The following RPH3AL variants were observed in gnomAD, a reference collection of about 807,000 sequenced individuals.
The protein encoded by RPH3AL is rab effector Noc2.
Under a neutral mutation model 43.1 loss-of-function variants are expected in RPH3AL, and 38 were observed. The ratio of observed to expected loss-of-function variants is 0.88; its 90% confidence interval spans 0.68 to 1.15. The LOEUF is 1.15. Among genes scored for constraint, RPH3AL ranks in the 50% most tolerant of loss-of-function variants. The probability of loss-of-function intolerance (pLI) is 0.00; values close to 1 mark genes in which losing one functional copy is unlikely to be tolerated. For missense variants in RPH3AL, 462 were observed against 423.2 expected (o/e 1.09, Z -0.81); for synonymous variants, 189 against 176.3 (o/e 1.07, Z -0.57).
chr17:250,556 C>A (rs7406880), intron 6 of RPH3AL, among the ~76,000 whole-genome samples: 41,937 of 143,048 alleles, frequency 0.29, 6,791 homozygotes, highest in Non-Finnish European at 0.32. Flanking sequence ...CGCTGTGGGA[C>A]TTCTCAGAGT....
chr17:263,657 T>C (rs370419828), intron 6 of RPH3AL, among the ~76,000 whole-genome samples: 16 of 152,348 alleles, frequency 1.1e-4, no homozygotes, highest in South Asian at 4.1e-4. Context: ...GCTGGCACAG[T>C]CTGTGGCTGG....
intron 7 of RPH3AL, among the ~76,000 whole-genome samples, chr17:244,600 G>A (rs938316624): frequency 6.6e-6 from 1 of 152,178 alleles, no homozygotes; most frequent in South Asian, 2.1e-4. Flanking sequence ...AGGGTCCCAG[G>A]AGGAGCAGCG....
intron 6 of RPH3AL, among the ~76,000 whole-genome samples, chr17:250,939 C>T (rs2041888804): frequency 6.6e-6 from 1 of 152,278 alleles, no homozygotes; most frequent in Admixed American, 6.5e-5. Flanking sequence ...TTACTAAGCT[C>T]AGGTGCACAG....
In RPH3AL at chr17:268,910, G is replaced by A. The variant is rs368808242; in HGVS notation, c.438+12858C>T. 3.4e-4 allele frequency among the ~76,000 whole-genome samples: 51 copies of A among 151,784 alleles called. No homozygotes were observed. In the South Asian group the frequency reaches 6.9e-3, roughly 21 times the overall value. ...TATTATTTTTTTGAGACGGAGTCTCGCTCCGTCACCCAGGCTGGAGTGCAG... is the reference window on the plus strand; with the variant it reads ...TATTATTTTTTTGAGACGGAGTCTCACTCCGTCACCCAGGCTGGAGTGCAG... On this transcript the variant is annotated intron_variant, in intron 6 of 9. Transcript: ENST00000331302.
chr17:213,647 AG>A lies in RPH3AL; in HGVS notation c.*204del, dbSNP rs2040722664. ...GTCGGGGGCTGAGGGCAGTGGTTGGAGGGGGTGGCGGATGCAGACAGCTCCC... is the reference window on the plus strand; with the variant it reads ...GTCGGGGGCTGAGGGCAGTGGTTGGAGGGGTGGCGGATGCAGACAGCTCCC... On this transcript the variant is annotated 3_prime_UTR_variant, in exon 10 of 10. Transcript: ENST00000331302. 3.3e-6 allele frequency: 2 copies of A among 603,224 alleles called. No homozygotes were observed. Among genetic ancestry groups the A allele is most frequent in the African/African-American group, 1.8e-5 (1 of 54,206 alleles). 37.4% of individuals were successfully genotyped at this position (603,224 alleles called of 1,614,324 possible).
intron 6 of RPH3AL, among the ~76,000 whole-genome samples, chr17:262,522 A>G (rs1186088053): frequency 6.6e-6 from 1 of 152,014 alleles, no homozygotes; most frequent in Non-Finnish European, 1.5e-5. Flanking sequence ...CCAACAAAAT[A>G]ATTTTTACAA....
rs5023248 is a variant in RPH3AL, at chr17:307,365, G to A, written c.351+12055C>T. Among the ~76,000 whole-genome samples, 765 of 145,120 alleles carry A rather than the reference G, an allele frequency of 5.3e-3. 5 individuals carry two copies. Among genetic ancestry groups the A allele is most frequent in the African/African-American group, 0.018 (685 of 38,310 alleles). ...CCTCCCCGCGGCAGGTCCATCCTAC[G>A]GCAGGTCCATCCCACGGCAGGTCCA... On this transcript the variant is annotated intron_variant, in intron 5 of 9. Transcript: ENST00000331302.
At position 282,041 on chromosome 17, in the gene RPH3AL, T is replaced by C. The variant is rs142548196; in HGVS notation, c.352-187A>G. Among the ~76,000 whole-genome samples, 296 of 152,304 alleles carry C rather than the reference T, an allele frequency of 1.9e-3. 1 individual carries two copies. Among genetic ancestry groups the C allele is most frequent in the Admixed American group, 2.4e-3 (36 of 15,300 alleles). On this transcript the variant is annotated intron_variant, in intron 5 of 9. Coordinates refer to ENST00000331302, the MANE Select transcript of RPH3AL (RefSeq NM_006987.4). ...AATCCTTAGTTGGCTTTGGACGTAATGGATGGCCCCATCCACGGAACCCCC... is the reference window on the plus strand; with the variant it reads ...AATCCTTAGTTGGCTTTGGACGTAACGGATGGCCCCATCCACGGAACCCCC...
chr17:314,913 A>T (rs1555518981), intron 5 of RPH3AL, among the ~76,000 whole-genome samples: 2 of 128,976 alleles, frequency 1.6e-5, no homozygotes, highest in Non-Finnish European at 3.1e-5. Flanking sequence ...ATTGACCAGT[A>T]GTCCCTGTGC....
intron 7 of RPH3AL, among the ~76,000 whole-genome samples, chr17:232,328 C>T (rs570703739): frequency 6.6e-6 from 1 of 152,314 alleles, no homozygotes; most frequent in Non-Finnish European, 1.5e-5. Context: ...ATAACGGAGA[C>T]GCACAGCGCC....
chr17:219,222 T>TG (rs1204638683), intron 8 of RPH3AL, among the ~76,000 whole-genome samples: 1 of 95,880 alleles, frequency 1.0e-5, no homozygotes, highest in African/African-American at 4.0e-5. Context: ...TTTTTTGAGA[T>TG]GGAGTCTTGA....
At chr17:253,184 C>A (rs1205927799) in intron 6 of RPH3AL, among the ~76,000 whole-genome samples, 5 of 152,180 alleles carry the variant, frequency 3.3e-5, no homozygotes, top group Non-Finnish European at 7.4e-5. Flanking sequence ...GTGGGGCGAA[C>A]AATGGAGCTA....
intron 3 of RPH3AL, among the ~76,000 whole-genome samples, chr17:326,857 C>A (rs1305107150): frequency 6.6e-6 from 1 of 152,118 alleles, no homozygotes; most frequent in Non-Finnish European, 1.5e-5. Context: ...GCCTGGGCGA[C>A]AAGAAAAAAG....
intron 8 of RPH3AL, among the ~76,000 whole-genome samples, chr17:219,197 T>TTTTTTTG (rs2040887923): frequency 7.6e-6 from 1 of 131,004 alleles, no homozygotes; most frequent in African/African-American, 2.9e-5. Context: ...CAGCACTTTT[T>TTTTTTTG]TTTTTTTTTT....
rs749302131 is a variant in RPH3AL, at chr17:225,251, C to T, written c.614-5515G>A. ...CCGGCTCCTTGGACTTTTATGATGCCGCAGCAAGAGGAGATGGGGATGGGG... is the reference window on the plus strand; with the variant it reads ...CCGGCTCCTTGGACTTTTATGATGCTGCAGCAAGAGGAGATGGGGATGGGG... On this transcript the variant is annotated intron_variant, in intron 7 of 9. Coordinates refer to ENST00000331302, the MANE Select transcript of RPH3AL (RefSeq NM_006987.4). This position sits in a 1 kb window ranked among gnomAD's most constrained non-coding sequence, Gnocchi z 4.4. Among the ~76,000 whole-genome samples the T allele has an allele frequency of 2.6e-5, 4 of 152,034 alleles. No homozygotes were observed. The highest frequency in any genetic ancestry group is 6.6e-5 in the Admixed American group (1 of 15,252).
At chr17:307,023 C>A (rs1325073417) in intron 5 of RPH3AL, among the ~76,000 whole-genome samples, 4 of 152,150 alleles carry the variant, frequency 2.6e-5, no homozygotes, top group Non-Finnish European at 4.4e-5. Flanking sequence ...ACATCTGCTC[C>A]ACTCTGCAGC....
intron 3 of RPH3AL, among the ~76,000 whole-genome samples, chr17:324,270 G>A (rs944269204): frequency 1.1e-4 from 16 of 152,230 alleles, no homozygotes; most frequent in Admixed American, 2.0e-4. Flanking sequence ...CCGCACCCAC[G>A]TTCCTGCCTC....
At chr17:273,427 G>A (rs1462672125) in intron 6 of RPH3AL, among the ~76,000 whole-genome samples, 2 of 58,656 alleles carry the variant, frequency 3.4e-5, no homozygotes, top group African/African-American at 1.2e-4. Context: ...AGACCCCGGC[G>A]AGGGCGACGT....
At chr17:275,992 G>A (rs2042646849) in intron 6 of RPH3AL, among the ~76,000 whole-genome samples, 2 of 152,240 alleles carry the variant, frequency 1.3e-5, no homozygotes, top group South Asian at 2.1e-4. Context: ...GGAGCTCTGA[G>A]CTAAGCAGCC....
Sources: gnomAD v4.1 joint callset for allele counts (sites outside exome capture counted in the v4.1 genomes callset) on GRCh38, gnomAD v4.1.1 for gene constraint, Gnocchi (gnomAD v3.1) non-coding constraint, MANE v1.5 for transcripts, NCBI Gene and HGNC (gene_info 2026-07-23, HGNC 2026-07-21) for gene names.